The following CNTNAP5 variants were observed in gnomAD, a reference collection of about 807,000 sequenced individuals.
The protein encoded by CNTNAP5 is contactin-associated protein-like 5.
Under a neutral mutation model 150.2 loss-of-function variants are expected in CNTNAP5, and 72 were observed. That is an observed-to-expected ratio of 0.48 (90% CI 0.40 to 0.58). The LOEUF (loss-of-function observed/expected upper bound fraction) is 0.58, where lower values mean the gene tolerates loss of function less well. Ranked by LOEUF, CNTNAP5 falls within the 20% of genes least tolerant of loss-of-function variation. The pLI is 0.00. For missense variants in CNTNAP5, 1,636 were observed against 1,626.2 expected (o/e 1.01, Z -0.10); for synonymous variants, 672 against 619.8 (o/e 1.08, Z -1.25).
intron 1 of CNTNAP5, among the ~76,000 whole-genome samples, chr2:124,117,865 C>G (rs142890132): frequency 0.011 from 1,708 of 152,224 alleles, 41 homozygotes; most frequent in African/African-American, 0.039. Context: ...GGGAGGATTG[C>G]TTGAGCCCAG....
rs189729400 is a variant in CNTNAP5, at chr2:124,798,375, T to G, written c.3217+55T>G. 3 of 1,256,726 alleles carry G rather than the reference T, an allele frequency of 2.4e-6. No homozygotes were observed. The African/African-American group carries it at 4.4e-5, about 19-fold the overall frequency. 77.8% of individuals were successfully genotyped at this position (1,256,726 alleles called of 1,614,324 possible). A position where few individuals can be genotyped will look rare whatever the true frequency, so the allele number is the denominator to read the frequency against. On this transcript the variant is annotated intron_variant, in intron 19 of 23. Transcript: ENST00000682447. ...GTCTCAGCCTGGGCTGGAGGGACGG[T>G]GCATGCCCTCCAGAACTCTGCATAA...
At chr2:124,442,718 A>G (rs928681659) in intron 5 of CNTNAP5, among the ~76,000 whole-genome samples, 3 of 152,346 alleles carry the variant, frequency 2.0e-5, no homozygotes, top group Middle Eastern at 3.4e-3. Context: ...AAAAAAATCA[A>G]TCAAACAAAC....
In CNTNAP5 at chr2:124,025,700, G is replaced by A; in HGVS notation, c.50G>A (p.Gly17Asp). Residue 17 changes from glycine (G) to aspartate (D), a missense_variant, in exon 1 of 24, where the codon GGC (glycine) becomes GAC (aspartate). Transcript: ENST00000682447. ...AGCGTTTTGACTTTGCTGTTCTCTG[G>A]CTTGTGGCATTTAGGATTAACAGCG... Reference protein sequence around the residue: ...LTSVLTLLFSGLWHLGLTATN... With the variant: ...LTSVLTLLFSDLWHLGLTATN... 1 of 1,613,858 alleles carries A rather than the reference G, an allele frequency of 6.2e-7. No homozygotes were observed.
chr2:124,473,551 G>T lies in CNTNAP5; in HGVS notation c.919-1188G>T, dbSNP rs185395983. ...AAAAAATCTAAAAATAGCCTTAAGT[G>T]TATCAGTAGTTATTCATATAAGAAG... On this transcript the variant is annotated intron_variant, in intron 6 of 23. Coordinates refer to ENST00000682447, the MANE Select transcript of CNTNAP5 (RefSeq NM_001367498.1). Among the ~76,000 whole-genome samples, 3 of 152,064 alleles carry T rather than the reference G, an allele frequency of 2.0e-5. No individual in the cohort carries two copies. The East Asian group carries it at 5.8e-4, about 29-fold the overall frequency.
intron 1 of CNTNAP5, among the ~76,000 whole-genome samples, chr2:124,219,706 G>A (rs181338030): frequency 1.8e-4 from 27 of 152,154 alleles, no homozygotes; most frequent in Admixed American, 9.2e-4. Flanking sequence ...TCTGCATTAC[G>A]TTGAATATAA....
intron 7 of CNTNAP5, among the ~76,000 whole-genome samples, chr2:124,479,839 T>C (rs1693726080): frequency 6.6e-6 from 1 of 152,146 alleles, no homozygotes; most frequent in Non-Finnish European, 1.5e-5. Context: ...AGCTATGGGA[T>C]CTTGAGAAAG....
intron 22 of CNTNAP5, among the ~76,000 whole-genome samples, chr2:124,910,426 C>G (rs933487736): frequency 6.6e-6 from 1 of 151,964 alleles, no homozygotes; most frequent in South Asian, 2.1e-4. Context: ...CTTACAAAAC[C>G]TTTTAAGGCA....
Position 124,823,576 on chromosome 2 carries a change from G to A in CNTNAP5, c.3217+25256G>A, listed in dbSNP as rs192783477. Reference sequence around the variant, plus strand: ...AGTAAACATCTACAAACATGAGAAGGACATCATCAGTGTCCCTGCTCACAT... The same window carrying A: ...AGTAAACATCTACAAACATGAGAAGAACATCATCAGTGTCCCTGCTCACAT... On this transcript the variant is annotated intron_variant, in intron 19 of 23. Transcript: ENST00000682447. Among the ~76,000 whole-genome samples the A allele has an allele frequency of 9.2e-5, 14 of 152,190 alleles. No individual in the cohort carries two copies. The East Asian group carries it at 1.9e-3, about 21-fold the overall frequency.
chr2:124,829,983 A>G (rs1386721794), intron 19 of CNTNAP5, among the ~76,000 whole-genome samples: 2 of 151,536 alleles, frequency 1.3e-5, no homozygotes, highest in African/African-American at 2.4e-5. Flanking sequence ...AATTTTAGAA[A>G]AGATTTAACA....
intron 1 of CNTNAP5, among the ~76,000 whole-genome samples, chr2:124,115,650 T>TG (rs1201752532): frequency 7.4e-6 from 1 of 135,414 alleles, no homozygotes; most frequent in Admixed American, 7.0e-5. Flanking sequence ...ATAATAGTCT[T>TG]TTTTTTTTTT....
chr2:124,909,741 AT>A (rs1678613605), intron 22 of CNTNAP5, among the ~76,000 whole-genome samples: 1 of 133,534 alleles, frequency 7.5e-6, no homozygotes, highest in South Asian at 2.4e-4. Context: ...CTGATTTCTC[AT>A]TTTCCTTCTC....
At chr2:124,068,676 C>T (rs1682223960) in intron 1 of CNTNAP5, among the ~76,000 whole-genome samples, 1 of 151,720 alleles carries the variant, frequency 6.6e-6, no homozygotes, top group African/African-American at 2.4e-5. Context: ...GGTAGCACAA[C>T]TCACGGCAGT....
intron 19 of CNTNAP5, among the ~76,000 whole-genome samples, chr2:124,860,289 G>T (rs1432158404): frequency 6.6e-6 from 1 of 151,996 alleles, no homozygotes; most frequent in African/African-American, 2.4e-5. Context: ...GGCGGAGCTT[G>T]CAGTGAGCCG....
chr2:124,776,664 C>T (rs1436905203), intron 17 of CNTNAP5, among the ~76,000 whole-genome samples: 2 of 152,162 alleles, frequency 1.3e-5, no homozygotes, highest in Non-Finnish European at 2.9e-5. Context: ...CTTCCTGAAG[C>T]ACGCCTGTAG....
intron 3 of CNTNAP5, among the ~76,000 whole-genome samples, chr2:124,352,698 T>C (rs960914720): frequency 6.6e-5 from 10 of 152,190 alleles, no homozygotes; most frequent in South Asian, 2.1e-4. Flanking sequence ...ACCTGTGGTT[T>C]AATAAGCACA....
At chr2:124,371,830 C>T (rs1465139624) in intron 3 of CNTNAP5, among the ~76,000 whole-genome samples, 3 of 152,088 alleles carry the variant, frequency 2.0e-5, no homozygotes, top group African/African-American at 7.2e-5. Flanking sequence ...TCCAACAATA[C>T]AGAGACTCTG....
At chr2:124,768,307 G>GTATA (rs1553440080) in intron 16 of CNTNAP5, among the ~76,000 whole-genome samples, 2 of 144,618 alleles carry the variant, frequency 1.4e-5, no homozygotes, top group African/African-American at 5.1e-5. Flanking sequence ...GTGTGTGTGT[G>GTATA]TGTATATGTA....
intron 1 of CNTNAP5, among the ~76,000 whole-genome samples, chr2:124,080,168 T>C (rs1316370531): frequency 6.6e-6 from 1 of 152,166 alleles, no homozygotes; most frequent in Non-Finnish European, 1.5e-5. Flanking sequence ...TTCCTTACAT[T>C]TATTTTGTGC....
At chr2:124,459,497 C>T (rs1693198097) in intron 6 of CNTNAP5, among the ~76,000 whole-genome samples, 1 of 151,960 alleles carries the variant, frequency 6.6e-6, no homozygotes, top group African/African-American at 2.4e-5. Flanking sequence ...GCTCCTAATC[C>T]CAGCACTTTG....
Sources: allele counts gnomAD v4.1 joint callset (sites outside exome capture counted in the v4.1 genomes callset), GRCh38; gene constraint gnomAD v4.1.1; transcripts MANE v1.5; gene names NCBI Gene and HGNC (gene_info 2026-07-23, HGNC 2026-07-21).